Variants in FOXP3 observed in about 807,000 individuals in gnomAD.
FOXP3 encodes forkhead box protein P3.
In FOXP3, 5 loss-of-function variants were observed where a neutral mutation model predicts 31.2. The observed-to-expected ratio is 0.16, with a 90% CI of 0.08 to 0.34. The LOEUF (loss-of-function observed/expected upper bound fraction) is 0.34, where lower values mean the gene tolerates loss of function less well. Ranked by LOEUF, FOXP3 falls within the 10% of genes least tolerant of loss-of-function variation. FOXP3 has a pLI of 1.00. For synonymous variants in FOXP3, 141 were observed against 148.8 expected (o/e 0.95, Z 0.38); for missense variants, 251 against 363.0 (o/e 0.69, Z 2.51).
chrX:49,254,807 T>C (rs2066057920), intron 8 of FOXP3, among the ~76,000 whole-genome samples: 1 of 111,796 alleles, frequency 8.9e-6, no homozygotes. Flanking sequence ...GTGGTCGCCA[T>C]CTTGAAATCT....
chrX:49,254,037 C>A lies in FOXP3; in HGVS notation c.847G>T (p.Val283Leu). The A allele has an allele frequency of 1.2e-5, 15 of 1,207,897 alleles. No individual in the cohort carries two copies. Among genetic ancestry groups the A allele is most frequent in the Non-Finnish European group, 1.7e-5 (15 of 893,621 alleles). ...ACAGGGCCTTGGCTGCCAGCAGCTA[C>A]GATGCAGCAGGAGCCCTTGTCGGAT... ...ASSDKGSCCI[V>L]AAGSQGPVVP... The change falls in exon 9 of 12, where the codon GTA (valine) becomes TTA (leucine). Residue 283 changes from valine to leucine, a missense_variant. Transcript: ENST00000376207.
chrX:49,255,409 C>T lies in FOXP3; in HGVS notation c.816+20G>A. Reference sequence around the variant, plus strand: ...CCCCAGCAGTCTGAGTCTGCCACCACCAGTCCTGGGGTCGCTCACCACAGA... The same window carrying T: ...CCCCAGCAGTCTGAGTCTGCCACCATCAGTCCTGGGGTCGCTCACCACAGA... On this transcript the variant is annotated intron_variant, in intron 8 of 11. Coordinates refer to ENST00000376207, the MANE Select transcript of FOXP3 (RefSeq NM_014009.4). The T allele has an allele frequency of 1.7e-6, 2 of 1,194,593 alleles. No individual in the cohort carries two copies. The highest frequency in any genetic ancestry group is 2.3e-6 in the Non-Finnish European group (2 of 884,606).
Position 49,264,697 on chromosome X carries a change from G to A in FOXP3, c.-59C>T. On this transcript the variant is annotated 5_prime_UTR_variant, in exon 1 of 12. Coordinates refer to ENST00000376207, the MANE Select transcript of FOXP3 (RefSeq NM_014009.4). ...GGACTGACAGAAAAGGATCAGCCTG[G>A]CTTGTGGGAAACTGTCACGTATCAA... 1 of 754,200 alleles carries A rather than the reference G, an allele frequency of 1.3e-6. No homozygotes were observed. The allele number at this position is 754,200 out of a possible 1,213,427, so 62.2% of individuals were successfully genotyped here.
At chrX:49,257,634 CCCT>C in intron 3 of FOXP3, 27 bp downstream of exon 3, 1 of 1,179,879 alleles carries the variant, frequency 8.5e-7, no homozygotes, top group African/African-American at 1.7e-5. Context: ...CCCACCTGCT[CCCT>C]CCTCCCTGCC....
At chrX:49,261,350 G>A (rs1303241510) in intron 1 of FOXP3, among the ~76,000 whole-genome samples, 4 of 112,636 alleles carry the variant, frequency 3.6e-5, no homozygotes, top group South Asian at 7.3e-4. Context: ...CTGGAACAAC[G>A]TTCCCAAATA....
chrX:49,262,004 T>C (rs3761547), intron 1 of FOXP3, among the ~76,000 whole-genome samples: 11,198 of 111,774 alleles, frequency 0.1, 518 homozygotes, highest in South Asian at 0.26. Context: ...AAGTTGACAA[T>C]TGCCCCTCTA....
rs1395937139 is a variant in FOXP3 at position 49,257,762 on chromosome X, T to C, written c.217A>G (p.Thr73Ala). ...GGTGCCACCATGACTAGGGGCAGTGTGGGCAGCTGGGCAGAAAGGCAGGTG... is the reference window on the plus strand; with the variant it reads ...GGTGCCACCATGACTAGGGGCAGTGCGGGCAGCTGGGCAGAAAGGCAGGTG... ...PMPPSQLQLP[T>A]LPLVMVAPSG... Residue 73 changes from threonine to alanine, a missense_variant, in exon 3 of 12, where the codon ACA (threonine) becomes GCA (alanine). By Grantham distance (58) the Thr-to-Ala change is moderately conservative. Around this residue, in one of 4 missense-constraint regions of FOXP3, gnomAD observed 152 missense variants for 188.1 expected, o/e 0.81. Coordinates refer to ENST00000376207, the MANE Select transcript of FOXP3 (RefSeq NM_014009.4). 8.6e-7 allele frequency: 1 copy of C among 1,164,348 alleles called. No homozygotes were observed. Among genetic ancestry groups the C allele is most frequent in the African/African-American group, 1.8e-5 (1 of 55,972 alleles).
At chrX:49,261,182 C>T (rs1027234610) in intron 1 of FOXP3, among the ~76,000 whole-genome samples, 5 of 112,567 alleles carry the variant, frequency 4.4e-5, no homozygotes, top group African/African-American at 1.3e-4. Flanking sequence ...GTGGGGTCTA[C>T]GGTCCCAAAG....
chrX:49,255,917 C>A, intron 6 of FOXP3, 115 bp from the exon 7 acceptor site: 1 of 614,866 alleles, frequency 1.6e-6, no homozygotes, highest in South Asian at 2.4e-5. Flanking sequence ...CCCCAGCTCC[C>A]CTCCCCTCTC....
At chrX:49,253,261 C>T in intron 9 of FOXP3, 59 bp from the exon 10 acceptor site, 1 of 993,325 alleles carries the variant, frequency 1.0e-6, no homozygotes, top group Non-Finnish European at 1.4e-6. Context: ...AGCTCCCTGT[C>T]CCCTCCCCCT....
Position 49,251,084 on chromosome X carries a change from G to T in FOXP3, c.*250C>A. 1 of 423,396 alleles carries T rather than the reference G, an allele frequency of 2.4e-6. No homozygotes were observed. Among genetic ancestry groups the T allele is most frequent in the East Asian group, 3.9e-5 (1 of 25,780 alleles). 34.9% of individuals were successfully genotyped at this position (423,396 alleles called of 1,213,427 possible). On this transcript the variant is annotated 3_prime_UTR_variant, in exon 12 of 12. Coordinates refer to ENST00000376207, the MANE Select transcript of FOXP3 (RefSeq NM_014009.4). ...TTTGGCTGCAGGGCTCGACTGGGGG[G>T]TGTGTCTGGGGCGGAGGTGGGGGCT...
At chrX:49,253,824 A>T (rs961616931) in intron 9 of FOXP3, 93 bp downstream of exon 9, 2 of 1,048,758 alleles carry the variant, frequency 1.9e-6, no homozygotes, top group Non-Finnish European at 2.6e-6. Context: ...TGGTGGTGGG[A>T]AGGGGCAGCA....
chrX:49,260,857 A>G (rs916682504), intron 1 of FOXP3, among the ~76,000 whole-genome samples: 8 of 112,501 alleles, frequency 7.1e-5, no homozygotes, highest in African/African-American at 2.6e-4. Context: ...GAGGGCAGAT[A>G]CCCCACCCCA....
intron 2 of FOXP3, 65 bp from the exon 3 acceptor site, chrX:49,257,833 T>C (rs906321986): frequency 8.1e-6 from 7 of 864,684 alleles, no homozygotes; most frequent in Non-Finnish European, 1.2e-5. Context: ...CTAATTCAAA[T>C]ACTCTGCACT....
intron 1 of FOXP3, among the ~76,000 whole-genome samples, chrX:49,259,693 T>C (rs191754379): frequency 1.0e-3 from 111 of 111,422 alleles, no homozygotes; most frequent in Non-Finnish European, 1.7e-3. Context: ...CAGGATCCTA[T>C]AATCCTGGTC....
chrX:49,259,273 G>T (rs1557116905), intron 1 of FOXP3: 1 of 525,468 alleles, frequency 1.9e-6, no homozygotes, highest in Admixed American at 2.6e-5. Flanking sequence ...AAAAGTGCAG[G>T]TGTAGATAGA....
Position 49,251,054 on chromosome X carries a change from C to T in FOXP3, c.*280G>A, listed in dbSNP as rs1035534107. ...GGCTCTGTGTGGCTGGTTGTGAAGGCTCTGTTTGGCTGCAGGGCTCGACTG... is the reference window on the plus strand; with the variant it reads ...GGCTCTGTGTGGCTGGTTGTGAAGGTTCTGTTTGGCTGCAGGGCTCGACTG... On this transcript the variant is annotated 3_prime_UTR_variant, in exon 12 of 12. Coordinates refer to ENST00000376207, the MANE Select transcript of FOXP3 (RefSeq NM_014009.4). 232 of 394,282 alleles carry T rather than the reference C, an allele frequency of 5.9e-4. No homozygotes were observed. The highest frequency in any genetic ancestry group is 6.4e-4 in the Non-Finnish European group (146 of 228,820). The allele number at this position is 394,282 out of a possible 1,213,427, so 32.5% of individuals were successfully genotyped here.
intron 6 of FOXP3, among the ~76,000 whole-genome samples, chrX:49,256,207 TGAGAGAGAGAGAAAGAGAGAGAGAGA>T (rs1398729023): frequency 4.5e-4 from 37 of 82,814 alleles, no homozygotes; most frequent in African/African-American, 1.2e-3. Flanking sequence ...TGTGTGTGTG[TGAGAGAGAGAGAAAGAGAGAGAGAGA>T]GAGAGAGAGA....
chrX:49,255,571 G>T, intron 7 of FOXP3, 62 bp from the exon 8 acceptor site: 1 of 1,122,502 alleles, frequency 8.9e-7, no homozygotes, highest in Non-Finnish European at 1.2e-6. Flanking sequence ...CTTTGCCCAG[G>T]CTACGGTCTT....
Sources: gnomAD v4.1 joint callset for allele counts (sites outside exome capture counted in the v4.1 genomes callset) on GRCh38, gnomAD v4.1.1 for gene constraint, gnomAD v4.1.1 regional missense constraint, MANE v1.5 for transcripts, NCBI Gene and HGNC (gene_info 2026-07-23, HGNC 2026-07-21) for gene names.